CACNA1D: variants seen among roughly 807,000 people sequenced by gnomAD.
CACNA1D encodes the protein calcium voltage-gated channel subunit alpha1 D.
CACNA1D carries 55 observed loss-of-function variants against 257.1 expected under a neutral mutation model. That is an observed-to-expected ratio of 0.21 (90% CI 0.17 to 0.27). The LOEUF is 0.27. Among genes scored for constraint, CACNA1D ranks in the 10% least tolerant of loss-of-function variants. The pLI, the probability that CACNA1D is intolerant of heterozygous loss-of-function variation, is 1.00. For synonymous variants in CACNA1D, 980 were observed against 1,014.9 expected, an observed-to-expected ratio of 0.97 and a Z score of 0.65; for missense variants, 1,876 against 2,784.0, an observed-to-expected ratio of 0.67 and a Z score of 7.34.
chr3:53,673,106 T>C lies in CACNA1D; in HGVS notation c.1200T>C (p.Leu400=). Residue 400 remains leucine (L), a synonymous_variant, in exon 8 of 48, where the codon CTT becomes CTC. Transcript: ENST00000350061. The surrounding 1 kb of genome is among the most constrained non-coding windows in gnomAD (Gnocchi z 4.1). The part of the protein sequence containing the change: ...VIFGSFFVLN[L]VLGVLSGEFS... The stretch of plus-strand genomic sequence containing the variant: ...TTGGGTCATTTTTCGTACTAAATCT[T>C]GTACTTGGTGTATTGAGCGGGTAAG... The C allele has an allele frequency of 1.3e-6, 2 of 1,550,994 alleles. No homozygotes were observed. Among genetic ancestry groups the C allele is most frequent in the East Asian group, 2.4e-5 (1 of 40,950 alleles).
intron 3 of CACNA1D, among the ~76,000 whole-genome samples, chr3:53,526,391 T>G (rs982549087): frequency 6.6e-6 from 1 of 152,204 alleles, no homozygotes; most frequent in Non-Finnish European, 1.5e-5. Context: ...TAGCCTTAAG[T>G]CAGAATTTAT....
Position 53,812,469 on chromosome 3 carries a change from C to T in CACNA1D, c.*1063C>T, listed in dbSNP as rs1045462197. 3.9e-5 allele frequency: 6 copies of T among 152,164 alleles called. No homozygotes were observed. Among genetic ancestry groups the T allele is most frequent in the African/African-American group, 1.4e-4 (6 of 41,438 alleles). The allele number at this position is 152,164 out of a possible 1,614,324, so 9.4% of individuals were successfully genotyped here. The stretch of plus-strand genomic sequence containing the variant: ...CCTATCATCTTTCCACAAGATATAC[C>T]AGATGACTATTTGCAGTCTTTTCTT... On this transcript the variant is annotated 3_prime_UTR_variant, in exon 48 of 48. Transcript: ENST00000350061.
chr3:53,781,085 C>T (rs78429721), intron 38 of CACNA1D, among the ~76,000 whole-genome samples: 6 of 152,282 alleles, frequency 3.9e-5, no homozygotes, highest in Admixed American at 2.0e-4. Context: ...GTTGAAAAGA[C>T]AAGTGTCAGC....
At chr3:53,618,188 G>T (rs1261207189) in intron 3 of CACNA1D, among the ~76,000 whole-genome samples, 1 of 152,224 alleles carries the variant, frequency 6.6e-6, no homozygotes, top group African/African-American at 2.4e-5. Flanking sequence ...CCCAGTGTGT[G>T]TCTTTACCTC....
intron 34 of CACNA1D, 44 bp from the exon 35 acceptor site, chr3:53,775,842 C>T: frequency 6.2e-7 from 1 of 1,600,808 alleles, no homozygotes; most frequent in Admixed American, 1.7e-5. Flanking sequence ...CTTCAAATTC[C>T]TTCTTTCCCC....
At chr3:53,551,170 G>A (rs2092525565) in intron 3 of CACNA1D, among the ~76,000 whole-genome samples, 1 of 152,206 alleles carries the variant, frequency 6.6e-6, no homozygotes, top group African/African-American at 2.4e-5. Context: ...GCCCCAGGGT[G>A]CCAGATTTCA....
chr3:53,688,378 G>C (rs1034475749), intron 8 of CACNA1D, among the ~76,000 whole-genome samples: 3 of 152,204 alleles, frequency 2.0e-5, no homozygotes, highest in Non-Finnish European at 4.4e-5. Context: ...ACTTACAGAG[G>C]CATGACTTCT....
intron 30 of CACNA1D, among the ~76,000 whole-genome samples, chr3:53,763,500 G>A (rs138587515): frequency 5.6e-4 from 85 of 152,316 alleles, no homozygotes; most frequent in African/African-American, 1.9e-3. Flanking sequence ...GCAAGTCTTA[G>A]TGGGCGTCCA....
At chr3:53,691,464 T>C (rs994989761) in intron 8 of CACNA1D, among the ~76,000 whole-genome samples, 1 of 151,602 alleles carries the variant, frequency 6.6e-6, no homozygotes, top group African/African-American at 2.4e-5. Context: ...TCTGTAACTT[T>C]TAGCATGCAA....
At chr3:53,679,269 TCAAAAAAAAAAAAAA>T (rs1225931037) in intron 8 of CACNA1D, 4 of 6,376 alleles carry the variant, frequency 6.3e-4, no homozygotes, top group Admixed American at 3.0e-3. Context: ...AAACTCCATC[TCAAAAAAAAAAAAAA>T]AAAAAAAAAA....
intron 45 of CACNA1D, chr3:53,807,687 G>A (rs2095574225): frequency 6.6e-6 from 1 of 152,468 alleles, no homozygotes; most frequent in Non-Finnish European, 1.5e-5. Context: ...GTGTCTTAGG[G>A]CCCCAGAATT....
Position 53,811,054 on chromosome 3 carries a change from CCCCTG to C in CACNA1D, c.6193-52_6193-48del. The C allele has an allele frequency of 7.3e-7, 1 of 1,374,196 alleles. No individual in the cohort carries two copies. The highest frequency in any genetic ancestry group is 1.2e-5 in the South Asian group (1 of 86,028). The allele number at this position is 1,374,196 out of a possible 1,614,324, so 85.1% of individuals were successfully genotyped here. On this transcript the variant is annotated intron_variant, in intron 47 of 47. Coordinates refer to ENST00000350061, the MANE Select transcript of CACNA1D (RefSeq NM_001128840.3). This position sits in a 1 kb window ranked among gnomAD's most constrained non-coding sequence, Gnocchi z 4.2. ...CACTGGAGTTGATTTTTCTGTCGTC[CCCCTG>C]CCCTGCAAAGCCTTATAACACCCCC...
intron 9 of CACNA1D, among the ~76,000 whole-genome samples, chr3:53,712,547 G>A (rs549728397): frequency 6.6e-5 from 10 of 152,166 alleles, no homozygotes; most frequent in African/African-American, 1.4e-4. Flanking sequence ...TGTGCCTTTA[G>A]GGGGTGTGTG....
At chr3:53,511,181 T>C (rs942634032) in intron 3 of CACNA1D, among the ~76,000 whole-genome samples, 4 of 152,146 alleles carry the variant, frequency 2.6e-5, no homozygotes, top group African/African-American at 9.7e-5. Context: ...TATTATGGTG[T>C]TTAGGGTTTG....
chr3:53,518,792 A>G (rs2091444232), intron 3 of CACNA1D, among the ~76,000 whole-genome samples: 1 of 152,222 alleles, frequency 6.6e-6, no homozygotes, highest in Non-Finnish European at 1.5e-5. Context: ...GCAATGTGTC[A>G]TGGGCTCTGA....
chr3:53,801,645 T>C (rs915798320), intron 42 of CACNA1D, among the ~76,000 whole-genome samples: 3 of 152,096 alleles, frequency 2.0e-5, no homozygotes, highest in Non-Finnish European at 2.9e-5. Context: ...CCATCCTACA[T>C]CCTGTGTGGG....
chr3:53,715,485 A>G (rs62253778), intron 9 of CACNA1D, among the ~76,000 whole-genome samples: 10,380 of 152,076 alleles, frequency 0.068, 719 homozygotes, highest in African/African-American at 0.17. Context: ...GAAAGTGGCC[A>G]GGGCAAAATG....
At chr3:53,781,507 A>G in intron 38 of CACNA1D, 59 bp from the exon 39 acceptor site, 1 of 1,123,088 alleles carries the variant, frequency 8.9e-7, no homozygotes. Flanking sequence ...GTGCAAGCAG[A>G]GGAGGAGCTG....
intron 3 of CACNA1D, among the ~76,000 whole-genome samples, chr3:53,632,645 CAT>C (rs1254637334): frequency 1.3e-5 from 2 of 152,200 alleles, no homozygotes; most frequent in Non-Finnish European, 2.9e-5. Context: ...TAAAGTGAGA[CAT>C]ATGAGTCTTC....
Sources: gnomAD v4.1 joint callset for allele counts (sites outside exome capture counted in the v4.1 genomes callset) on GRCh38, gnomAD v4.1.1 for gene constraint, Gnocchi (gnomAD v3.1) non-coding constraint, MANE v1.5 for transcripts, NCBI Gene and HGNC (gene_info 2026-07-23, HGNC 2026-07-21) for gene names.